CDH19: variants seen among roughly 807,000 people sequenced by gnomAD.
CDH19 encodes the protein cadherin-19.
Under a neutral mutation model 64.2 loss-of-function variants are expected in CDH19, and 67 were observed. The observed-to-expected ratio is 1.04, with a 90% CI of 0.86 to 1.28. The LOEUF is 1.28. Ranked by LOEUF, CDH19 falls within the 50% of genes most tolerant of loss-of-function variation. CDH19 has a pLI of 0.00. For synonymous variants in CDH19, 346 were observed against 319.3 expected, an observed-to-expected ratio of 1.08 and a Z score of -0.89; for missense variants, 1,030 against 929.0, an observed-to-expected ratio of 1.11 and a Z score of -1.41.
rs201412981 is a variant in CDH19, at chr18:66,511,697, G to A, written c.1459-12C>T. 5 of 1,238,986 alleles carry A rather than the reference G, an allele frequency of 4.0e-6. No homozygotes were observed. Among genetic ancestry groups the A allele is most frequent in the East Asian group, 2.4e-5 (1 of 42,546 alleles). 76.7% of individuals were successfully genotyped at this position (1,238,986 alleles called of 1,614,324 possible). ...ATAGTCTGAATTACCTAAAAAAAAAGGGGGATAGATTTTTGTTGTTGTTTG... is the reference window on the plus strand; with the variant it reads ...ATAGTCTGAATTACCTAAAAAAAAAAGGGGATAGATTTTTGTTGTTGTTTG... On this transcript the variant is annotated splice_polypyrimidine_tract_variant and intron_variant, in intron 9 of 11. Transcript: ENST00000262150.
chr18:66,557,361 C>A (rs919816303), intron 3 of CDH19, among the ~76,000 whole-genome samples: 1 of 151,914 alleles, frequency 6.6e-6, no homozygotes, highest in Non-Finnish European at 1.5e-5. Flanking sequence ...TACTTGTAAC[C>A]AAAAGTTACT....
intron 1 of CDH19, among the ~76,000 whole-genome samples, chr18:66,576,630 T>C (rs1008492333): frequency 4.0e-5 from 6 of 151,620 alleles, no homozygotes; most frequent in African/African-American, 1.4e-4. Context: ...ATAAATGAAA[T>C]ACAAGATGAA....
intron 8 of CDH19, among the ~76,000 whole-genome samples, chr18:66,530,581 G>T (rs1162778830): frequency 6.6e-6 from 1 of 151,930 alleles, no homozygotes; most frequent in African/African-American, 2.4e-5. Flanking sequence ...GATTTTCTAA[G>T]TGAGCCAAGA....
chr18:66,592,791 T>A (rs1053577329), intron 1 of CDH19, among the ~76,000 whole-genome samples: 1 of 151,868 alleles, frequency 6.6e-6, no homozygotes, highest in Non-Finnish European at 1.5e-5. Flanking sequence ...TATTTCTTGA[T>A]GGACACTTAG....
chr18:66,543,752 G>A (rs1245642314), intron 7 of CDH19, among the ~76,000 whole-genome samples: 4 of 151,882 alleles, frequency 2.6e-5, no homozygotes, highest in Non-Finnish European at 1.5e-5. Flanking sequence ...GCGTGGTGGC[G>A]CATGCCTATA....
chr18:66,546,590 A>G (rs1204520660), intron 5 of CDH19, among the ~76,000 whole-genome samples: 1 of 152,174 alleles, frequency 6.6e-6, no homozygotes, highest in African/African-American at 2.4e-5. Flanking sequence ...GGCTGGAGAT[A>G]GAACAGGTGA....
intron 1 of CDH19, among the ~76,000 whole-genome samples, chr18:66,586,752 T>G (rs1196143167): frequency 6.6e-6 from 1 of 152,096 alleles, no homozygotes; most frequent in Non-Finnish European, 1.5e-5. Context: ...TGAATTTATT[T>G]AAATCTTGTC....
intron 1 of CDH19, among the ~76,000 whole-genome samples, chr18:66,581,091 T>A (rs1020429372): frequency 1.3e-5 from 2 of 152,146 alleles, no homozygotes; most frequent in Non-Finnish European, 2.9e-5. Flanking sequence ...ATGAATATGC[T>A]AAAAAATCTA....
intron 3 of CDH19, among the ~76,000 whole-genome samples, chr18:66,557,249 C>T (rs1024449331): frequency 2.0e-5 from 3 of 151,938 alleles, no homozygotes; most frequent in East Asian, 1.9e-4. Context: ...CAGTAACCTA[C>T]TGTACACCTG....
intron 9 of CDH19, among the ~76,000 whole-genome samples, chr18:66,528,035 A>G (rs1031212097): frequency 6.6e-6 from 1 of 151,602 alleles, no homozygotes; most frequent in Admixed American, 6.6e-5. Flanking sequence ...TGTTACATCT[A>G]ATATGTAAAT....
chr18:66,535,146 T>C lies in CDH19; in HGVS notation c.1215-39A>G, dbSNP rs73537798. Reference sequence around the variant, plus strand: ...AAAGTATACCTTAATATTTTTATTCTATCTGCATAACAGTGTTAGATAATA... The same window carrying C: ...AAAGTATACCTTAATATTTTTATTCCATCTGCATAACAGTGTTAGATAATA... On this transcript the variant is annotated intron_variant, in intron 7 of 11. Transcript: ENST00000262150. 3.8e-3 allele frequency: 4,980 copies of C among 1,299,074 alleles called. 107 individuals carry two copies. In the African/African-American group the frequency reaches 0.057, roughly 15 times the overall value. 80.5% of individuals were successfully genotyped at this position (1,299,074 alleles called of 1,614,324 possible).
intron 1 of CDH19, among the ~76,000 whole-genome samples, chr18:66,574,614 A>G (rs1274765064): frequency 6.6e-6 from 1 of 151,736 alleles, no homozygotes; most frequent in African/African-American, 2.4e-5. Context: ...AGACAATTTC[A>G]AACATTCTCA....
intron 7 of CDH19, among the ~76,000 whole-genome samples, chr18:66,537,129 A>T (rs1476245503): frequency 2.0e-5 from 3 of 151,996 alleles, no homozygotes; most frequent in African/African-American, 2.4e-5. Context: ...CTATAATTTA[A>T]TTAATCAAAC....
At chr18:66,561,115 T>TA (rs56845596) in intron 3 of CDH19, among the ~76,000 whole-genome samples, 7,528 of 152,164 alleles carry the variant, frequency 0.049, 587 homozygotes, top group African/African-American at 0.16. Flanking sequence ...AACTATATCT[T>TA]AAGAGAAGTC....
chr18:66,517,676 G>C (rs1225042775), intron 9 of CDH19, among the ~76,000 whole-genome samples: 1 of 151,896 alleles, frequency 6.6e-6, no homozygotes, highest in Non-Finnish European at 1.5e-5. Context: ...ATAGATATAA[G>C]ACATCCTTTT....
Position 66,504,563 on chromosome 18 carries a change from A to C in CDH19, c.*249T>G, listed in dbSNP as rs552129464. ...CTCATCTACTTTTAATATCTTCCTA[A>C]ATTATTTTACTTCAAATCTGGTTGT... is the stretch of plus-strand genomic sequence containing the variant. On this transcript the variant is annotated 3_prime_UTR_variant, in exon 12 of 12. Coordinates refer to ENST00000262150, the MANE Select transcript of CDH19 (RefSeq NM_021153.4). The C allele has an allele frequency of 1.4e-3, 518 of 370,080 alleles. 4 individuals are homozygous for C. Among genetic ancestry groups the C allele is most frequent in the East Asian group, 1.6e-3 (42 of 26,102 alleles). 22.9% of individuals were successfully genotyped at this position (370,080 alleles called of 1,614,324 possible). A position where few individuals can be genotyped will look rare whatever the true frequency, so the allele number is the denominator to read the frequency against.
At chr18:66,508,186 A>G (rs1190062247) in intron 11 of CDH19, among the ~76,000 whole-genome samples, 1 of 151,984 alleles carries the variant, frequency 6.6e-6, no homozygotes, top group East Asian at 1.9e-4. Context: ...ACAAATCTAA[A>G]ACAAGTAAAT....
Position 66,544,115 on chromosome 18 carries a change from A to G in CDH19, c.1070T>C (p.Ile357Thr), listed in dbSNP as rs1439765144. The G allele has an allele frequency of 1.2e-6, 2 of 1,614,020 alleles. No homozygotes were observed. The highest frequency in any genetic ancestry group is 1.3e-5 in the African/African-American group (1 of 74,996). Reference sequence around the variant, plus strand: ...ATCAACATCTTCCACCTGGATCTTAATGAAAGTGGTGGAAGCCTCAGTGTG... The same window carrying G: ...ATCAACATCTTCCACCTGGATCTTAGTGAAAGTGGTGGAAGCCTCAGTGTG... ...KYHTEASTTF[I>T]KIQVEDVDEP... Residue 357 changes from isoleucine to threonine, a missense_variant, in exon 7 of 12, where the codon ATT becomes ACT. Coordinates refer to ENST00000262150, the MANE Select transcript of CDH19 (RefSeq NM_021153.4).
intron 7 of CDH19, among the ~76,000 whole-genome samples, chr18:66,538,962 C>G (rs1200933763): frequency 2.0e-5 from 3 of 152,086 alleles, no homozygotes; most frequent in Non-Finnish European, 4.4e-5. Context: ...CACAATTACT[C>G]TATTTCTTAA....
Sources: gnomAD v4.1 joint callset for allele counts (sites outside exome capture counted in the v4.1 genomes callset) on GRCh38, gnomAD v4.1.1 for gene constraint, MANE v1.5 for transcripts, NCBI Gene and HGNC (gene_info 2026-07-23, HGNC 2026-07-21) for gene names.